The following EPHA8 variants were observed in gnomAD, a reference collection of about 807,000 sequenced individuals.
The protein encoded by EPHA8 is ephrin type-A receptor 8.
In EPHA8, 58 loss-of-function variants were observed where a neutral mutation model predicts 103.6. The ratio of observed to expected loss-of-function variants is 0.56; its 90% CI spans 0.45 to 0.70. The LOEUF is 0.70. Ranked by LOEUF, EPHA8 falls within the 30% of genes least tolerant of loss-of-function variation. EPHA8 has a pLI of 0.00. For synonymous variants in EPHA8, 559 were observed against 572.5 expected (o/e 0.98, Z 0.34); for missense variants, 1,304 against 1,395.2 (o/e 0.93, Z 1.04).
Position 22,578,191 on chromosome 1 carries a change from T to A in EPHA8, c.823+1311T>A, listed in dbSNP as rs866685576. Among the ~76,000 whole-genome samples the A allele has an allele frequency of 7.6e-4, 88 of 116,296 alleles. No individual in the cohort carries two copies. In the East Asian group the frequency reaches 0.011, roughly 14 times the overall value. 76.3% of individuals were successfully genotyped at this position (116,296 alleles called of 152,430 possible). A position where few individuals can be genotyped will look rare whatever the true frequency, so the allele number is the denominator to read the frequency against. ...GTATGTGTGCATGTGTGTGCGTGCA[T>A]GTGTGTGCGTGCGAGTGTGTGCGTG... On this transcript the variant is annotated intron_variant, in intron 3 of 16. Coordinates refer to ENST00000166244, the MANE Select transcript of EPHA8 (RefSeq NM_020526.5).
Position 22,595,397 on chromosome 1 carries a change from C to A in EPHA8, c.1697+74C>A, listed in dbSNP as rs541265579. ...ACCTCCTGCCTGCCCCCAGCCCCAC[C>A]GAGCCGGTGGTCCCCGTGTGCCTGG... On this transcript the variant is annotated intron_variant, in intron 8 of 16. Coordinates refer to ENST00000166244, the MANE Select transcript of EPHA8 (RefSeq NM_020526.5). 4.6e-6 allele frequency: 6 copies of A among 1,312,568 alleles called. No homozygotes were observed. The Admixed American group carries it at 7.8e-5, about 17-fold the overall frequency. 81.3% of individuals were successfully genotyped at this position (1,312,568 alleles called of 1,614,324 possible).
intron 2 of EPHA8, among the ~76,000 whole-genome samples, chr1:22,574,526 C>G (rs564023204): frequency 6.6e-6 from 1 of 152,340 alleles, no homozygotes; most frequent in African/African-American, 2.4e-5. Flanking sequence ...CTCTCTAAAT[C>G]TGACTATCTA....
chr1:22,565,614 G>A (rs1640336763), intron 1 of EPHA8, among the ~76,000 whole-genome samples: 1 of 152,194 alleles, frequency 6.6e-6, no homozygotes, highest in South Asian at 2.1e-4. Context: ...CTGGGAAGGA[G>A]CCAGCACCCT....
At chr1:22,564,913 A>G (rs1640313998) in intron 1 of EPHA8, among the ~76,000 whole-genome samples, 1 of 152,106 alleles carries the variant, frequency 6.6e-6, no homozygotes, top group Non-Finnish European at 1.5e-5. Context: ...ACGCCCAGAC[A>G]GATCACACAT....
intron 3 of EPHA8, among the ~76,000 whole-genome samples, chr1:22,580,292 C>A (rs1263158553): frequency 6.6e-6 from 1 of 151,932 alleles, no homozygotes; most frequent in Admixed American, 6.6e-5. Flanking sequence ...GTGCCCGCCA[C>A]CACGCCCAGC....
At chr1:22,595,977 T>C (rs1448333368) in intron 8 of EPHA8, 129 bp from the exon 9 acceptor site, 4 of 755,680 alleles carry the variant, frequency 5.3e-6, no homozygotes, top group Non-Finnish European at 8.8e-6. Flanking sequence ...GCAGACTTTG[T>C]AAGGAGCAGG....
chr1:22,576,593 G>A lies in EPHA8; in HGVS notation c.536G>A (p.Arg179His), dbSNP rs760177071. 8 of 1,613,950 alleles carry A rather than the reference G, an allele frequency of 5.0e-6. No homozygotes were observed. The Admixed American group carries it at 6.7e-5, about 13-fold the overall frequency. The change falls in exon 3 of 17, where the codon CGC becomes CAC. Residue 179 changes from arginine (R) to histidine (H), a missense_variant. Transcript: ENST00000166244. The surrounding 1 kb of genome is among the most constrained non-coding windows in gnomAD (Gnocchi z 4.8). ...EVRSVGPLSK[R>H]GFYLAFQDIG... is the part of the protein sequence containing the mutation. Reference sequence around the variant, plus strand: ...CGCAGTGTGGGTCCCCTCAGCAAGCGCGGCTTCTACCTGGCCTTCCAGGAC... The same window carrying A: ...CGCAGTGTGGGTCCCCTCAGCAAGCACGGCTTCTACCTGGCCTTCCAGGAC...
chr1:22,565,943 C>A (rs1640346944), intron 1 of EPHA8, among the ~76,000 whole-genome samples: 1 of 152,342 alleles, frequency 6.6e-6, no homozygotes, highest in Non-Finnish European at 1.5e-5. Flanking sequence ...TGTGGCGCAT[C>A]TGGGAGTCCT....
rs1392577405 is a variant in EPHA8 at position 22,598,653 on chromosome 1, T to C, written c.2179-185T>C. 6.6e-6 allele frequency among the ~76,000 whole-genome samples: 1 copy of C among 152,170 alleles called. No individual in the cohort carries two copies. The highest frequency in any genetic ancestry group is 1.5e-5 in the Non-Finnish European group (1 of 68,024). The stretch of plus-strand genomic sequence containing the variant: ...TGCCCCACGTACCTCGCAGGGTTGC[T>C]GTGAGGGTAAATGAGACCAGGAGAA... On this transcript the variant is annotated intron_variant, in intron 12 of 16. Coordinates refer to ENST00000166244, the MANE Select transcript of EPHA8 (RefSeq NM_020526.5). The surrounding 1 kb of genome is among the most constrained non-coding windows in gnomAD (Gnocchi z 5.1).
At position 22,597,893 on chromosome 1, in the gene EPHA8, C is replaced by T. The variant is rs1426301333; in HGVS notation, c.2116+32C>T. ...GCCGGGCAAAGACAGCCTCCCCCTGCAGTGCCCCTCCTGCCTGGAGAGGCC... is the reference window on the plus strand; with the variant it reads ...GCCGGGCAAAGACAGCCTCCCCCTGTAGTGCCCCTCCTGCCTGGAGAGGCC... On this transcript the variant is annotated intron_variant, in intron 11 of 16. Transcript: ENST00000166244. The surrounding 1 kb of genome is among the most constrained non-coding windows in gnomAD (Gnocchi z 4.6). 6.3e-7 allele frequency: 1 copy of T among 1,590,300 alleles called. No homozygotes were observed. Among genetic ancestry groups the T allele is most frequent in the Non-Finnish European group, 8.6e-7 (1 of 1,167,182 alleles).
rs35887233 is a variant in EPHA8 at position 22,600,942 on chromosome 1, G to A, written c.2583G>A (p.Met861Ile). 1.6e-5 allele frequency: 25 copies of A among 1,612,508 alleles called. No individual in the cohort carries two copies. The highest frequency in any genetic ancestry group is 2.0e-5 in the Non-Finnish European group (24 of 1,179,606). Residue 861 changes from methionine (M) to isoleucine (I), a missense_variant, in exon 15 of 17, where the codon ATG (methionine) becomes ATA (isoleucine). Coordinates refer to ENST00000166244, the MANE Select transcript of EPHA8 (RefSeq NM_020526.5). The stretch of plus-strand genomic sequence containing the variant: ...AGGGGTACCGCCTGCCCGCACCCAT[G>A]GGCTGCCCCCACGCCCTGCACCAGC... ...VEEGYRLPAP[M>I]GCPHALHQLM...
intron 3 of EPHA8, among the ~76,000 whole-genome samples, chr1:22,585,941 T>C (rs1267264490): frequency 1.3e-5 from 2 of 152,150 alleles, no homozygotes; most frequent in Non-Finnish European, 2.9e-5. Context: ...TGCCTGTGTT[T>C]GGGAGCAATG....
In EPHA8 at chr1:22,597,945, G is replaced by A. The variant is rs1038014857; in HGVS notation, c.2116+84G>A. The stretch of plus-strand genomic sequence containing the variant: ...CTGGGTCCATCCCCTCATCCATCCT[G>A]CTCTGCCCCACCTGACCCTGTCCTC... On this transcript the variant is annotated intron_variant, in intron 11 of 16. Coordinates refer to ENST00000166244, the MANE Select transcript of EPHA8 (RefSeq NM_020526.5). This position sits in a 1 kb window ranked among gnomAD's most constrained non-coding sequence, Gnocchi z 4.6. The A allele has an allele frequency of 2.6e-5, 40 of 1,528,566 alleles. No individual in the cohort carries two copies. Among genetic ancestry groups the A allele is most frequent in the Middle Eastern group, 1.7e-4 (1 of 5,766 alleles). 94.7% of individuals were successfully genotyped at this position (1,528,566 alleles called of 1,614,324 possible). A position where few individuals can be genotyped will look rare whatever the true frequency, so the allele number is the denominator to read the frequency against.
intron 8 of EPHA8, among the ~76,000 whole-genome samples, chr1:22,595,792 C>G (rs1302227865): frequency 6.6e-6 from 1 of 152,214 alleles, no homozygotes; most frequent in Admixed American, 6.5e-5. Flanking sequence ...GAAGCCTCAT[C>G]TCCCAATGCC....
In EPHA8 at chr1:22,593,411, C is replaced by T. The variant is rs209696; in HGVS notation, c.1401C>T (p.Asn467=). 430,883 of 1,597,522 alleles carry T rather than the reference C, an allele frequency of 0.27. 61,794 individuals are homozygous for T. Among genetic ancestry groups the T allele is most frequent in the South Asian group, 0.48 (42,245 of 88,682 alleles). Residue 467 remains asparagine, a synonymous_variant, in exon 6 of 17, where the codon AAC becomes AAT. Transcript: ENST00000166244. ...TGTGGCAGGAGCCCGAGCAGCCGAA[C>T]GGCATCATCCTGGAGTATGAGATCA... ...SLLWQEPEQP[N]GIILEYEIKY... is the part of the protein sequence containing the mutation.
At chr1:22,575,555 G>A (rs1640665792) in intron 2 of EPHA8, among the ~76,000 whole-genome samples, 1 of 152,156 alleles carries the variant, frequency 6.6e-6, no homozygotes, top group Admixed American at 6.5e-5. Context: ...TTTTCACTCT[G>A]TTGAGAGTGT....
Position 22,601,843 on chromosome 1 carries a change from C to G in EPHA8, c.*102C>G. The stretch of plus-strand genomic sequence containing the variant: ...CAGCAGGCAGGGCGGCCCCAGGCCT[C>G]TGCCCTCCTCTCAGGTGCTGGAGGA... On this transcript the variant is annotated 3_prime_UTR_variant, in exon 17 of 17. Transcript: ENST00000166244. 1 of 1,109,430 alleles carries G rather than the reference C, an allele frequency of 9.0e-7. No individual in the cohort carries two copies. The highest frequency in any genetic ancestry group is 1.4e-5 in the South Asian group (1 of 72,182). 68.7% of individuals were successfully genotyped at this position (1,109,430 alleles called of 1,614,324 possible). A position where few individuals can be genotyped will look rare whatever the true frequency, so the allele number is the denominator to read the frequency against.
Position 22,576,822 on chromosome 1 carries a change from G to A in EPHA8, c.765G>A (p.Val255=), listed in dbSNP as rs1484955760. The change falls in exon 3 of 17, where the codon GTG becomes GTA. Residue 255 remains valine, a synonymous_variant. Coordinates refer to ENST00000166244, the MANE Select transcript of EPHA8 (RefSeq NM_020526.5). The surrounding 1 kb of genome is among the most constrained non-coding windows in gnomAD (Gnocchi z 4.8). ...GCAGCGCGGAGGGCGAGTGGCTCGT[G>A]CCCATCGGCAAATGCGTGTGCAGTG... ...MYCSAEGEWL[V]PIGKCVCSAG... is the part of the protein sequence containing the mutation. The A allele has an allele frequency of 6.2e-7, 1 of 1,610,978 alleles. No homozygotes were observed. The highest frequency in any genetic ancestry group is 8.5e-7 in the Non-Finnish European group (1 of 1,178,786).
At chr1:22,592,973 A>G (rs556196367) in intron 5 of EPHA8, among the ~76,000 whole-genome samples, 1 of 152,228 alleles carries the variant, frequency 6.6e-6, no homozygotes, top group East Asian at 1.9e-4. Flanking sequence ...CAGTTCCTCC[A>G]TTCTTTCTAC....
Sources: allele counts gnomAD v4.1 joint callset (sites outside exome capture counted in the v4.1 genomes callset), GRCh38; gene constraint gnomAD v4.1.1; non-coding constraint Gnocchi (gnomAD v3.1); transcripts MANE v1.5; gene names NCBI Gene and HGNC (gene_info 2026-07-23, HGNC 2026-07-21).